Variants in SLC71A2 observed in about 807,000 individuals in gnomAD.
SLC71A2 encodes solute carrier family 71 member 2.
At chr9:94,458,882 G>A in the SLC71A2 span, among the ~76,000 whole-genome samples, 14 of 152,212 alleles carry the variant, frequency 9.2e-5, no homozygotes, top group Non-Finnish European at 2.9e-5. Flanking sequence ...ATGATCTGAA[G>A]TCATAGGATG....
chr9:94,409,003 T>C, the SLC71A2 span, among the ~76,000 whole-genome samples: 1 of 151,660 alleles, frequency 6.6e-6, no homozygotes, highest in Non-Finnish European at 1.5e-5. Context: ...ATTTTTTTTA[T>C]TTTTAATTTT....
At chr9:94,445,227 A>G in the SLC71A2 span, 1 of 1,471,494 alleles carries the variant, frequency 6.8e-7, no homozygotes, top group Non-Finnish European at 9.3e-7. Flanking sequence ...ATGTCTTTCT[A>G]AGCCAAGCAA....
chr9:94,414,104 T>C, the SLC71A2 span, among the ~76,000 whole-genome samples: 1 of 152,294 alleles, frequency 6.6e-6, no homozygotes, highest in Non-Finnish European at 1.5e-5. Flanking sequence ...TTTGATGGAA[T>C]TGGCAGCAAA....
At chr9:94,408,897 C>T in the SLC71A2 span, among the ~76,000 whole-genome samples, 1 of 148,828 alleles carries the variant, frequency 6.7e-6, no homozygotes, top group Non-Finnish European at 1.5e-5. Context: ...GATCTCTGCT[C>T]ACTGCAAGCT....
the SLC71A2 span, among the ~76,000 whole-genome samples, chr9:94,457,754 A>T: frequency 1.2e-4 from 19 of 152,400 alleles, no homozygotes; most frequent in South Asian, 3.3e-3. Flanking sequence ...GTTTTGGAAC[A>T]CATTGTATTA....
chr9:94,448,789 C>T, the SLC71A2 span, among the ~76,000 whole-genome samples: 131 of 152,274 alleles, frequency 8.6e-4, 1 homozygote, highest in Admixed American at 8.4e-3. Flanking sequence ...TGCACCACCA[C>T]ACCCAGCTAA....
the SLC71A2 span, among the ~76,000 whole-genome samples, chr9:94,408,173 A>G: frequency 6.6e-6 from 1 of 152,232 alleles, no homozygotes; most frequent in Non-Finnish European, 1.5e-5. Flanking sequence ...TGCAAAAGCA[A>G]TATGCATTGA....
At chr9:94,449,677 T>C in the SLC71A2 span, among the ~76,000 whole-genome samples, 2 of 152,130 alleles carry the variant, frequency 1.3e-5, no homozygotes, top group Non-Finnish European at 2.9e-5. Context: ...TTCCCCAAAA[T>C]ATTCAACATA....
At chr9:94,451,643 C>T in the SLC71A2 span, 2 of 508,588 alleles carry the variant, frequency 3.9e-6, no homozygotes, top group Admixed American at 3.7e-5. Context: ...CTACCTCAGT[C>T]CCTCACCCCC....
At chr9:94,428,794 C>G in the SLC71A2 span, among the ~76,000 whole-genome samples, 1 of 151,756 alleles carries the variant, frequency 6.6e-6, no homozygotes. Context: ...TTTTCATTGC[C>G]CTAAAAATCC....
chr9:94,409,114 A>C, the SLC71A2 span, among the ~76,000 whole-genome samples: 1 of 137,380 alleles, frequency 7.3e-6, no homozygotes, highest in Non-Finnish European at 1.5e-5. Flanking sequence ...ATTACAGGCC[A>C]CTGCGCCCGG....
chr9:94,445,887 C>A, the SLC71A2 span, among the ~76,000 whole-genome samples: 4 of 152,160 alleles, frequency 2.6e-5, no homozygotes, highest in African/African-American at 9.7e-5. Flanking sequence ...TTCTAAAATA[C>A]CCCCTGAGGG....
At chr9:94,452,980 A>G in the SLC71A2 span, among the ~76,000 whole-genome samples, 2 of 152,024 alleles carry the variant, frequency 1.3e-5, no homozygotes, top group South Asian at 4.1e-4. Flanking sequence ...TCAAGGAGAA[A>G]TGAGAAGGCC....
chr9:94,440,303 A>G, the SLC71A2 span, among the ~76,000 whole-genome samples: 108,131 of 151,848 alleles, frequency 0.71, 40,054 homozygotes, highest in African/African-American at 0.93. Flanking sequence ...ACAGGCGCCC[A>G]CCACCACGCC....
At chr9:94,393,789 A>C in the SLC71A2 span, among the ~76,000 whole-genome samples, 2 of 131,084 alleles carry the variant, frequency 1.5e-5, no homozygotes, top group Non-Finnish European at 3.4e-5. Flanking sequence ...GGATAATTAT[A>C]CTTTTTGCCC....
At chr9:94,436,151 TTTAA>T in the SLC71A2 span, among the ~76,000 whole-genome samples, 20 of 152,226 alleles carry the variant, frequency 1.3e-4, no homozygotes, top group African/African-American at 4.8e-4. Flanking sequence ...TGTTCTTATT[TTTAA>T]TTGTTTTCTT....
chr9:94,460,190 T>G, the SLC71A2 span: 2 of 152,546 alleles, frequency 1.3e-5, no homozygotes, highest in African/African-American at 4.8e-5. Context: ...GGTGGCAACA[T>G]AGAGATTGTA....
chr9:94,428,207 A>G, the SLC71A2 span, among the ~76,000 whole-genome samples: 3 of 151,248 alleles, frequency 2.0e-5, no homozygotes, highest in Non-Finnish European at 4.4e-5. Flanking sequence ...TTTGTGATGC[A>G]TGTGACAAAT....
At chr9:94,451,885 GCCT>G in the SLC71A2 span, among the ~76,000 whole-genome samples, 1 of 152,200 alleles carries the variant, frequency 6.6e-6, no homozygotes, top group Non-Finnish European at 1.5e-5. Flanking sequence ...CTTCAGCCTT[GCCT>G]CCTCAGCTCA....
Sources: allele counts gnomAD v4.1 joint callset (sites outside exome capture counted in the v4.1 genomes callset), GRCh38; gene constraint gnomAD v4.1.1; transcripts MANE v1.5; gene names NCBI Gene and HGNC (gene_info 2026-07-23, HGNC 2026-07-21).